Variants in HRH1 observed in about 807,000 individuals in gnomAD.
The protein encoded by HRH1 is histamine receptor H1, also known as histamine H1 receptor.
HRH1 carries 6 observed loss-of-function variants against 10.3 expected under a neutral mutation model. That is an observed-to-expected ratio of 0.58 (90% CI 0.32 to 1.15). The LOEUF is 1.15. Ranked by LOEUF, HRH1 falls within the 50% of genes most tolerant of loss-of-function variation. The probability of loss-of-function intolerance (pLI) is 0.05; values close to 1 mark genes in which losing one functional copy is unlikely to be tolerated. For synonymous variants in HRH1, 242 were observed against 236.7 expected, an observed-to-expected ratio of 1.02 and a Z score of -0.21; for missense variants, 514 against 615.3, an observed-to-expected ratio of 0.84 and a Z score of 1.74.
intron 1 of HRH1, among the ~76,000 whole-genome samples, chr3:11,176,975 C>T (rs2125015093): frequency 6.6e-6 from 1 of 152,190 alleles, no homozygotes; most frequent in East Asian, 1.9e-4. Context: ...CGCCTGTAAT[C>T]CCAACTACTG....
chr3:11,257,430 C>T (rs1277491001), intron 1 of HRH1, among the ~76,000 whole-genome samples: 1 of 150,932 alleles, frequency 6.6e-6, no homozygotes. Flanking sequence ...TGTGGTGGCA[C>T]ACTCCTGTAA....
chr3:11,222,846 A>G (rs551200316), intron 1 of HRH1, among the ~76,000 whole-genome samples: 1 of 152,278 alleles, frequency 6.6e-6, no homozygotes, highest in South Asian at 2.1e-4. Flanking sequence ...ATAGTTGTCC[A>G]AATGTGTGGT....
rs942143669 is a variant in HRH1 at position 11,197,779 on chromosome 3, A to G, written c.-36+43225A>G. ...CATCCATAAAACTAATTGAAGGAAA[A>G]AAACAGCTCATTGCAGGCTCCTCTG... is the stretch of plus-strand genomic sequence containing the variant. On this transcript the variant is annotated intron_variant, in intron 1 of 1. Coordinates refer to ENST00000431010, the MANE Select transcript of HRH1 (RefSeq NM_001098212.2). 2.6e-5 allele frequency among the ~76,000 whole-genome samples: 4 copies of G among 152,246 alleles called. No individual in the cohort carries two copies. The East Asian group carries it at 7.7e-4, about 29-fold the overall frequency.
rs560602967 is a variant in HRH1, at chr3:11,206,705, C to T, written c.-36+52151C>T. Among the ~76,000 whole-genome samples the T allele has an allele frequency of 3.0e-4, 45 of 152,352 alleles. No homozygotes were observed. In the South Asian group the frequency reaches 8.1e-3, roughly 27 times the overall value. ...TCATACAGCTGGCAAGGGGTGCCCC[C>T]GGAAGTCAAACCCTCTGTGCCTGAC... On this transcript the variant is annotated intron_variant, in intron 1 of 1. Transcript: ENST00000431010.
At chr3:11,209,294 A>G (rs1266537437) in intron 1 of HRH1, among the ~76,000 whole-genome samples, 1 of 152,212 alleles carries the variant, frequency 6.6e-6, no homozygotes, top group Admixed American at 6.5e-5. Flanking sequence ...TTCTTGCTCT[A>G]TTGCCCAGGC....
rs1239592173 is a variant in HRH1, at chr3:11,154,711, C to T, written c.-36+157C>T. Among the ~76,000 whole-genome samples, 1 of 152,062 alleles carries T rather than the reference C, an allele frequency of 6.6e-6. No homozygotes were observed. The highest frequency in any genetic ancestry group is 2.4e-5 in the African/African-American group (1 of 41,424). On this transcript the variant is annotated intron_variant, in intron 1 of 1. Coordinates refer to ENST00000431010, the MANE Select transcript of HRH1 (RefSeq NM_001098212.2). This position sits in a 1 kb window ranked among gnomAD's most constrained non-coding sequence, Gnocchi z 4.4. The stretch of plus-strand genomic sequence containing the variant: ...AGAGCGCGCTTGGGTACCCTCGCGA[C>T]GCGGGTGGCCTGGGGAGGGTGGCGG...
At chr3:11,207,555 C>T (rs1408121353) in intron 1 of HRH1, among the ~76,000 whole-genome samples, 1 of 151,998 alleles carries the variant, frequency 6.6e-6, no homozygotes, top group Non-Finnish European at 1.5e-5. Context: ...GGCGACAGAG[C>T]GAGACTCTGT....
intron 1 of HRH1, among the ~76,000 whole-genome samples, chr3:11,181,221 G>A (rs1937346220): frequency 6.6e-6 from 1 of 152,154 alleles, no homozygotes; most frequent in African/African-American, 2.4e-5. Flanking sequence ...GGAGGTTGAG[G>A]CTGCTGTAAG....
intron 1 of HRH1, among the ~76,000 whole-genome samples, chr3:11,257,114 G>C (rs1447278058): frequency 1.3e-5 from 2 of 151,482 alleles, no homozygotes; most frequent in Non-Finnish European, 2.9e-5. Context: ...TTAGCTGGGC[G>C]TGGTGGTGGG....
intron 1 of HRH1, among the ~76,000 whole-genome samples, chr3:11,196,113 C>CCTCTTAAAGCTCCT (rs1937640395): frequency 6.6e-6 from 1 of 152,192 alleles, no homozygotes; most frequent in Middle Eastern, 3.2e-3. Context: ...TTCCCTCCTC[C>CCTCTTAAAGCTCCT]CTCTTAAAGC....
At chr3:11,218,149 A>G (rs1177113922) in intron 1 of HRH1, among the ~76,000 whole-genome samples, 2 of 152,242 alleles carry the variant, frequency 1.3e-5, no homozygotes, top group African/African-American at 4.8e-5. Flanking sequence ...ACATTTGAGT[A>G]AGAAAACAAT....
chr3:11,174,377 C>G (rs1364013538), intron 1 of HRH1, among the ~76,000 whole-genome samples: 1 of 152,176 alleles, frequency 6.6e-6, no homozygotes, highest in African/African-American at 2.4e-5. Flanking sequence ...GAGAGGCCAT[C>G]TCAGCGCTGA....
intron 1 of HRH1, among the ~76,000 whole-genome samples, chr3:11,182,297 A>G (rs1486467842): frequency 1.3e-5 from 2 of 151,952 alleles, no homozygotes; most frequent in Non-Finnish European, 2.9e-5. Context: ...AAATTCTTAT[A>G]TTTTCTGGAT....
chr3:11,188,637 T>A (rs2125020294), intron 1 of HRH1, among the ~76,000 whole-genome samples: 1 of 152,310 alleles, frequency 6.6e-6, no homozygotes, highest in South Asian at 2.1e-4. Context: ...TATTAAAAAA[T>A]GAGAAACACT....
chr3:11,168,303 A>G (rs1034120049), intron 1 of HRH1, among the ~76,000 whole-genome samples: 1 of 152,164 alleles, frequency 6.6e-6, no homozygotes, highest in African/African-American at 2.4e-5. Flanking sequence ...GCCGGCCACT[A>G]GGAGGACTCG....
chr3:11,181,279 G>A (rs1381694547), intron 1 of HRH1, among the ~76,000 whole-genome samples: 1 of 152,000 alleles, frequency 6.6e-6, no homozygotes, highest in Non-Finnish European at 1.5e-5. Flanking sequence ...GCGAGACCCT[G>A]TCTCCAAAAA....
chr3:11,218,399 G>A (rs1938585320), intron 1 of HRH1, among the ~76,000 whole-genome samples: 1 of 146,370 alleles, frequency 6.8e-6, no homozygotes, highest in South Asian at 2.2e-4. Flanking sequence ...AGTGAGCTGA[G>A]ATTGTGCTAC....
intron 1 of HRH1, among the ~76,000 whole-genome samples, chr3:11,161,342 G>A (rs1357347962): frequency 6.6e-6 from 1 of 152,194 alleles, no homozygotes; most frequent in East Asian, 1.9e-4. Context: ...TTTCAAGAGT[G>A]TTCCTTTTAT....
At chr3:11,157,221 A>C (rs77724499) in intron 1 of HRH1, among the ~76,000 whole-genome samples, 2 of 152,172 alleles carry the variant, frequency 1.3e-5, no homozygotes, top group Non-Finnish European at 1.5e-5. Context: ...TTATCTGCAA[A>C]ATGGCCATTC....
Sources: gnomAD v4.1 joint callset for allele counts (sites outside exome capture counted in the v4.1 genomes callset) on GRCh38, gnomAD v4.1.1 for gene constraint, Gnocchi (gnomAD v3.1) non-coding constraint, MANE v1.5 for transcripts, NCBI Gene and HGNC (gene_info 2026-07-23, HGNC 2026-07-21) for gene names.